The following ESRRB variants were observed in gnomAD, a reference collection of about 807,000 sequenced individuals.
The protein encoded by ESRRB is estrogen related receptor beta.
In ESRRB, 16 loss-of-function variants were observed where a neutral mutation model predicts 46.0. The ratio of observed to expected loss-of-function variants is 0.35; its 90% CI spans 0.24 to 0.53. The LOEUF (loss-of-function observed/expected upper bound fraction) is 0.53. Ranked by LOEUF, ESRRB falls within the 20% of genes least tolerant of loss-of-function variation. ESRRB has a pLI of 0.93. For missense variants in ESRRB, 488 were observed against 607.4 expected, an observed-to-expected ratio of 0.80 and a Z score of 2.07; for synonymous variants, 246 against 259.6, an observed-to-expected ratio of 0.95 and a Z score of 0.50.
chr14:76,448,960 T>C (rs1457339076), intron 2 of ESRRB, among the ~76,000 whole-genome samples: 1 of 152,252 alleles, frequency 6.6e-6, no homozygotes, highest in Non-Finnish European at 1.5e-5. Context: ...AAATGAATCT[T>C]TGATACAAAT....
At chr14:76,422,576 C>T (rs1168310119) in intron 1 of ESRRB, among the ~76,000 whole-genome samples, 2 of 152,144 alleles carry the variant, frequency 1.3e-5, no homozygotes, top group Non-Finnish European at 2.9e-5. Flanking sequence ...AGGGACCACC[C>T]TTGCTGTGGC....
At chr14:76,440,069 G>A (rs962127226) in intron 2 of ESRRB, among the ~76,000 whole-genome samples, 5 of 152,118 alleles carry the variant, frequency 3.3e-5, no homozygotes, top group Admixed American at 1.3e-4. Context: ...TCAAATGTGT[G>A]TCCCTCAAAA....
In ESRRB at chr14:76,500,827, G is replaced by A; in HGVS notation, c.*2369G>A. On this transcript the variant is annotated 3_prime_UTR_variant, in exon 7 of 7. Transcript: ENST00000644823. ...ACTTCAGAGCCCCTCTAGCAGAGTG[G>A]GGCGGAAGTCCTGATGGTTGGTGTC... 1 of 1,267,718 alleles carries A rather than the reference G, an allele frequency of 7.9e-7. No homozygotes were observed. Among genetic ancestry groups the A allele is most frequent in the Admixed American group, 1.7e-5 (1 of 59,440 alleles). 78.5% of individuals were successfully genotyped at this position (1,267,718 alleles called of 1,614,324 possible).
intron 6 of ESRRB, among the ~76,000 whole-genome samples, chr14:76,493,102 T>C (rs1436402424): frequency 6.6e-6 from 1 of 152,234 alleles, no homozygotes; most frequent in Admixed American, 6.5e-5. Flanking sequence ...GGTAACTCAG[T>C]GTCCTTGTGT....
At chr14:76,467,958 C>A (rs1354456838) in intron 3 of ESRRB, among the ~76,000 whole-genome samples, 1 of 152,144 alleles carries the variant, frequency 6.6e-6, no homozygotes, top group Non-Finnish European at 1.5e-5. Flanking sequence ...CAAGTGTTTT[C>A]TAAAAGATAT....
At chr14:76,433,416 C>A (rs1453659767) in intron 1 of ESRRB, among the ~76,000 whole-genome samples, 1 of 152,124 alleles carries the variant, frequency 6.6e-6, no homozygotes, top group South Asian at 2.1e-4. Context: ...TGCTCAGGGC[C>A]AACTGGGAGG....
intron 3 of ESRRB, among the ~76,000 whole-genome samples, chr14:76,465,937 C>T (rs1224715476): frequency 1.3e-5 from 2 of 152,212 alleles, no homozygotes. Flanking sequence ...GGACCGACCC[C>T]CTTGGGAGGA....
At chr14:76,428,095 T>C (rs1887279510) in intron 1 of ESRRB, among the ~76,000 whole-genome samples, 1 of 152,150 alleles carries the variant, frequency 6.6e-6, no homozygotes, top group East Asian at 1.9e-4. Context: ...GCCTCCTGGG[T>C]TCAAGTGATT....
intron 1 of ESRRB, among the ~76,000 whole-genome samples, chr14:76,327,939 C>A (rs1253341230): frequency 6.6e-6 from 1 of 151,996 alleles, no homozygotes; most frequent in African/African-American, 2.4e-5. Flanking sequence ...GTCTCGAACT[C>A]CTGACGCCAG....
At chr14:76,429,009 A>G (rs1887318518) in intron 1 of ESRRB, among the ~76,000 whole-genome samples, 1 of 152,134 alleles carries the variant, frequency 6.6e-6, no homozygotes, top group Non-Finnish European at 1.5e-5. Context: ...TGGGTCCCAG[A>G]GGGCCCCCAA....
chr14:76,456,784 G>C (rs1888632134), intron 2 of ESRRB, among the ~76,000 whole-genome samples: 1 of 152,208 alleles, frequency 6.6e-6, no homozygotes, highest in African/African-American at 2.4e-5. Context: ...GTGGAAGCCA[G>C]TGGCATGAAT....
intron 1 of ESRRB, among the ~76,000 whole-genome samples, chr14:76,396,833 CT>C (rs1450920394): frequency 1.3e-5 from 2 of 152,232 alleles, no homozygotes; most frequent in Non-Finnish European, 2.9e-5. Context: ...CAGGCTCGGC[CT>C]GGGTTGGCAA....
At chr14:76,391,814 TGAG>T (rs1393897942) in intron 1 of ESRRB, among the ~76,000 whole-genome samples, 2 of 152,130 alleles carry the variant, frequency 1.3e-5, no homozygotes, top group Non-Finnish European at 2.9e-5. Flanking sequence ...AGTGCCTGGT[TGAG>T]GAGGTGGGTG....
chr14:76,379,997 A>C (rs1884944651), intron 1 of ESRRB, among the ~76,000 whole-genome samples: 1 of 152,048 alleles, frequency 6.6e-6, no homozygotes, highest in African/African-American at 2.4e-5. Context: ...CGGGGAAAGC[A>C]CTTCAAAGGA....
At chr14:76,443,928 C>T (rs1433399097) in intron 2 of ESRRB, among the ~76,000 whole-genome samples, 3 of 152,200 alleles carry the variant, frequency 2.0e-5, no homozygotes, top group African/African-American at 7.2e-5. Flanking sequence ...CTTCTCTTTC[C>T]ACAAGGAGAG....
At chr14:76,430,932 C>A (rs1052445534) in intron 1 of ESRRB, among the ~76,000 whole-genome samples, 1 of 152,226 alleles carries the variant, frequency 6.6e-6, no homozygotes, top group Non-Finnish European at 1.5e-5. Flanking sequence ...CCAGTCCATT[C>A]CTCTGCCTGC....
chr14:76,319,531 A>G (rs1232838498), intron 1 of ESRRB, among the ~76,000 whole-genome samples: 1 of 152,178 alleles, frequency 6.6e-6, no homozygotes, highest in Non-Finnish European at 1.5e-5. Flanking sequence ...TTGAAGGAAC[A>G]TGTAATTACT....
chr14:76,398,060 A>G (rs1006074644), intron 1 of ESRRB, among the ~76,000 whole-genome samples: 2 of 152,260 alleles, frequency 1.3e-5, no homozygotes, highest in East Asian at 3.8e-4. Context: ...AGCCTTTTAA[A>G]CATGGGGCAG....
intron 2 of ESRRB, among the ~76,000 whole-genome samples, chr14:76,456,902 G>T (rs1176450579): frequency 1.3e-5 from 2 of 152,148 alleles, no homozygotes; most frequent in Non-Finnish European, 2.9e-5. Flanking sequence ...GTAAATAAGG[G>T]AGTGGAACTG....
Sources: gnomAD v4.1 joint callset for allele counts (sites outside exome capture counted in the v4.1 genomes callset) on GRCh38, gnomAD v4.1.1 for gene constraint, MANE v1.5 for transcripts, NCBI Gene and HGNC (gene_info 2026-07-23, HGNC 2026-07-21) for gene names.